Variants in LUC7L2 observed in about 807,000 individuals in gnomAD.
LUC7L2 encodes putative RNA-binding protein Luc7-like 2.
In LUC7L2, 25 loss-of-function variants were observed where a neutral mutation model predicts 52.8. That is an observed-to-expected ratio of 0.47 (90% CI 0.34 to 0.66). The LOEUF is 0.66. LUC7L2 is among the 30% of genes least tolerant of loss of function. The pLI is 0.01. For missense variants in LUC7L2, 328 were observed against 497.8 expected, an observed-to-expected ratio of 0.66 and a Z score of 3.25; for synonymous variants, 144 against 160.9, an observed-to-expected ratio of 0.89 and a Z score of 0.80.
At chr7:139,390,328 T>G (rs1190318837) in intron 2 of LUC7L2, among the ~76,000 whole-genome samples, 1 of 151,564 alleles carries the variant, frequency 6.6e-6, no homozygotes, top group African/African-American at 2.4e-5. Flanking sequence ...TGGCGCCATC[T>G]CCACTCACCA....
At chr7:139,375,011 A>G (rs535562683) in intron 1 of LUC7L2, 2 of 985,174 alleles carry the variant, frequency 2.0e-6, no homozygotes, top group South Asian at 9.4e-5. Flanking sequence ...TCAGTAATTC[A>G]CCAGTAGGTT....
At chr7:139,357,249 T>C (rs78865810), upstream of LUC7L2, among the ~76,000 whole-genome samples, 3,311 of 152,022 alleles carry the variant, frequency 0.022, 56 homozygotes, top group Middle Eastern at 0.044. Context: ...ATGAGACAAA[T>C]AGGCAAAAAT....
In LUC7L2 at chr7:139,386,054, G is replaced by A. The variant is rs1233552194; in HGVS notation, c.156+9898G>A. Among the ~76,000 whole-genome samples, 8 of 152,158 alleles carry A rather than the reference G, an allele frequency of 5.3e-5. No homozygotes were observed. In the East Asian group the frequency reaches 1.5e-3, roughly 29 times the overall value. ...GTCTTGATGTGTCTCCCAGGCTGGA[G>A]TGCAATGGCACAATCTTGGCTCACT... On this transcript the variant is annotated intron_variant, in intron 2 of 9. Transcript: ENST00000354926.
intron 2 of LUC7L2, among the ~76,000 whole-genome samples, chr7:139,389,802 G>C (rs541530706): frequency 6.6e-6 from 1 of 152,266 alleles, no homozygotes; most frequent in East Asian, 1.9e-4. Flanking sequence ...CTCCCTCATT[G>C]AGCTTATATC....
At chr7:139,395,384 A>G (rs560436800) in intron 2 of LUC7L2, among the ~76,000 whole-genome samples, 78 of 152,230 alleles carry the variant, frequency 5.1e-4, no homozygotes, top group South Asian at 1.0e-3. Flanking sequence ...CTTTTTGTTT[A>G]TTGTCACTGA....
intron 1 of LUC7L2, chr7:139,345,405 T>G: frequency 6.6e-7 from 1 of 1,521,900 alleles, no homozygotes; most frequent in Non-Finnish European, 8.8e-7. Context: ...TCTGTGCAAT[T>G]TACTTTCACT....
At chr7:139,383,275 C>G (rs1231624626) in intron 2 of LUC7L2, among the ~76,000 whole-genome samples, 1 of 151,682 alleles carries the variant, frequency 6.6e-6, no homozygotes, top group Non-Finnish European at 1.5e-5. Flanking sequence ...GCCACCACAC[C>G]TGGCTAATTT....
intron 4 of LUC7L2, among the ~76,000 whole-genome samples, chr7:139,404,444 G>C (rs1333814259): frequency 6.6e-6 from 1 of 152,178 alleles, no homozygotes; most frequent in Non-Finnish European, 1.5e-5. Flanking sequence ...AGGAGGCAGA[G>C]GTTGTAGTGA....
At chr7:139,346,880 T>A (rs1799285444) in intron 1 of LUC7L2, among the ~76,000 whole-genome samples, 1 of 152,222 alleles carries the variant, frequency 6.6e-6, no homozygotes. Context: ...TCATTTGGTA[T>A]TCCTCTCTCC....
intron 8 of LUC7L2, 86 bp downstream of exon 8, chr7:139,412,666 A>AGT: frequency 6.6e-7 from 1 of 1,516,094 alleles, no homozygotes; most frequent in Non-Finnish European, 8.9e-7. Context: ...TGGTCCTTTA[A>AGT]AAATTTTCTT....
At chr7:139,398,538 G>A (rs1794759162) in intron 2 of LUC7L2, 61 bp from the exon 3 acceptor site, 3 of 1,374,128 alleles carry the variant, frequency 2.2e-6, no homozygotes, top group East Asian at 2.5e-5. Flanking sequence ...AACTGTGGTT[G>A]TTGAAGCATT....
intron 3 of LUC7L2, among the ~76,000 whole-genome samples, chr7:139,401,116 T>A (rs1215818637): frequency 6.6e-6 from 1 of 152,204 alleles, no homozygotes; most frequent in Non-Finnish European, 1.5e-5. Flanking sequence ...AAATGTCTTA[T>A]ATAAATATTG....
chr7:139,408,835 C>T (rs1465210931), intron 6 of LUC7L2, among the ~76,000 whole-genome samples: 6 of 122,352 alleles, frequency 4.9e-5, no homozygotes, highest in African/African-American at 2.1e-4. Flanking sequence ...GAGCGAGACT[C>T]TGTCTCAAAA....
rs140641452 is a variant in LUC7L2, at chr7:139,397,065, A to G, written c.157-1534A>G. On this transcript the variant is annotated intron_variant, in intron 2 of 9. Coordinates refer to ENST00000354926, the MANE Select transcript of LUC7L2 (RefSeq NM_016019.5). ...TAGGTTGTTGACAAGTTAAATAGGC[A>G]TACTCATTTTTAGATACTGTATACA... Among the ~76,000 whole-genome samples the G allele has an allele frequency of 7.2e-3, 1,092 of 152,254 alleles. 10 individuals are homozygous for G. The highest frequency in any genetic ancestry group is 0.025 in the African/African-American group (1,038 of 41,536).
At chr7:139,405,580 A>ATACTTTGAAATTTAAAATTCATT (rs1795083959) in intron 4 of LUC7L2, 64 bp from the exon 5 acceptor site, 1 of 1,501,100 alleles carries the variant, frequency 6.7e-7, no homozygotes, top group East Asian at 2.4e-5. Context: ...CAGTTCTGAA[A>ATACTTTGAAATTTAAAATTCATT]TACTTTGAAA....
chr7:139,380,718 T>TAGGC (rs1800971003), intron 2 of LUC7L2, among the ~76,000 whole-genome samples: 1 of 152,236 alleles, frequency 6.6e-6, no homozygotes, highest in South Asian at 2.1e-4. Context: ...AAACTCACTG[T>TAGGC]AGGCAGTATG....
intron 2 of LUC7L2, among the ~76,000 whole-genome samples, chr7:139,377,818 C>T (rs1229297008): frequency 6.8e-6 from 1 of 146,394 alleles, no homozygotes; most frequent in Non-Finnish European, 1.5e-5. Flanking sequence ...TGAGCTACCG[C>T]GCCTGGCTTT....
intron 1 of LUC7L2, chr7:139,375,424 T>G: frequency 1.0e-6 from 1 of 985,428 alleles, no homozygotes; most frequent in Non-Finnish European, 1.2e-6. Context: ...GCAATGTGCC[T>G]TTGTTTGACT....
intron 1 of LUC7L2, among the ~76,000 whole-genome samples, chr7:139,353,539 T>C (rs913217473): frequency 1.3e-5 from 2 of 152,198 alleles, no homozygotes; most frequent in African/African-American, 2.4e-5. Flanking sequence ...ACATGGTTAC[T>C]ACACTTAAAA....
Sources: allele counts gnomAD v4.1 joint callset (sites outside exome capture counted in the v4.1 genomes callset), GRCh38; gene constraint gnomAD v4.1.1; transcripts MANE v1.5; gene names NCBI Gene and HGNC (gene_info 2026-07-23, HGNC 2026-07-21).